Variants in TMEM138 observed in about 807,000 individuals in gnomAD.
The protein encoded by TMEM138 is transmembrane protein 138.
A neutral mutation model predicts 18.1 loss-of-function variants in TMEM138; 9 were observed. That is an observed-to-expected ratio of 0.50 (90% CI 0.30 to 0.87). TMEM138 has a LOEUF of 0.87. TMEM138 is among the 40% of genes least tolerant of loss of function. TMEM138 has a pLI of 0.06. For missense variants in TMEM138, 189 were observed against 190.6 expected (o/e 0.99, Z 0.05); for synonymous variants, 79 against 74.8 (o/e 1.06, Z -0.29).
chr11:61,376,642 T>C (rs1858439401), downstream of TMEM138, among the ~76,000 whole-genome samples: 1 of 152,200 alleles, frequency 6.6e-6, no homozygotes, highest in Admixed American at 6.5e-5. Context: ...CCTATTTACA[T>C]ACATAAGCCA....
In TMEM138 at chr11:61,366,126, G is replaced by C. The variant is rs1858141258; in HGVS notation, c.210G>C (p.Leu70=). Residue 70 remains leucine (L), a synonymous_variant, in exon 3 of 5, where the codon CTG becomes CTC. Coordinates refer to ENST00000278826, the MANE Select transcript of TMEM138 (RefSeq NM_016464.5). The part of the protein sequence containing the change: ...FFNTFVFQAG[L]VNLLFHKFKG... ...ACACCTTCGTCTTCCAGGCTGGCCT[G>C]GTCAACCTCCTATTCCATAAGTTCA... The C allele has an allele frequency of 6.2e-7, 1 of 1,614,172 alleles. No homozygotes were observed. Among genetic ancestry groups the C allele is most frequent in the East Asian group, 2.2e-5 (1 of 44,882 alleles).
In TMEM138 at chr11:61,366,456, C is replaced by T. The variant is rs1476645086; in HGVS notation, c.300+240C>T. 12 of 401,292 alleles carry T rather than the reference C, an allele frequency of 3.0e-5. No homozygotes were observed. The Admixed American group carries it at 4.0e-4, about 13-fold the overall frequency. The allele number at this position is 401,292 out of a possible 1,614,324, so 24.9% of individuals were successfully genotyped here. A position where few individuals can be genotyped will look rare whatever the true frequency, so the allele number is the denominator to read the frequency against. Reference sequence around the variant, plus strand: ...CGCTAAAGGGCTAGGAATAACTTTTCTTTTCTTTTCTTTTCTTTTTTTTTT... The same window carrying T: ...CGCTAAAGGGCTAGGAATAACTTTTTTTTTCTTTTCTTTTCTTTTTTTTTT... On this transcript the variant is annotated intron_variant, in intron 3 of 4. Transcript: ENST00000278826.
downstream of TMEM138, among the ~76,000 whole-genome samples, chr11:61,374,655 C>G (rs567227457): frequency 1.1e-4 from 17 of 152,164 alleles, no homozygotes; most frequent in African/African-American, 3.4e-4. Context: ...TTATAATCAG[C>G]TATAAAACTC....
In TMEM138 at chr11:61,368,337, TGCCTCA is replaced by T. The variant is rs573899438; in HGVS notation, c.377-254_377-249del. On this transcript the variant is annotated intron_variant, in intron 4 of 4. Coordinates refer to ENST00000278826, the MANE Select transcript of TMEM138 (RefSeq NM_016464.5). ...GCCTCCCGGGTTCACACCATTCTCC[TGCCTCA>T]GCCTCCGGAGTAGCTGGGACTACAG... 1,135 of 507,194 alleles carry T rather than the reference TGCCTCA, an allele frequency of 2.2e-3. 3 individuals carry two copies. The highest frequency in any genetic ancestry group is 0.015 in the Middle Eastern group (27 of 1,804). The allele number at this position is 507,194 out of a possible 1,614,324, so 31.4% of individuals were successfully genotyped here.
intron 2 of TMEM138, 108 bp downstream of exon 2, chr11:61,364,626 C>T: frequency 4.1e-6 from 6 of 1,455,902 alleles, no homozygotes; most frequent in Non-Finnish European, 5.6e-6. Flanking sequence ...CGGTGGCTCA[C>T]ACCCATAATC....
chr11:61,373,772 A>G (rs1858396371), downstream of TMEM138, among the ~76,000 whole-genome samples: 1 of 152,072 alleles, frequency 6.6e-6, no homozygotes, highest in African/African-American at 2.4e-5. Flanking sequence ...TTTGGGCTGT[A>G]TTTGTATAAA....
chr11:61,374,866 A>AG (rs1858415004), downstream of TMEM138, among the ~76,000 whole-genome samples: 1 of 152,206 alleles, frequency 6.6e-6, no homozygotes, highest in African/African-American at 2.4e-5. Context: ...CTGAGGCAGG[A>AG]GAATTGCTTG....
At position 61,369,151 on chromosome 11, in the gene TMEM138, C is replaced by G. The variant is rs1022691136; in HGVS notation, c.*442C>G. On this transcript the variant is annotated 3_prime_UTR_variant, in exon 5 of 5. Coordinates refer to ENST00000278826, the MANE Select transcript of TMEM138 (RefSeq NM_016464.5). ...ACCGCAGACATTTAGATTTTTATAC[C>G]CAAGGCACTTTAAAAAAATGTTTTA... is the stretch of plus-strand genomic sequence containing the variant. The G allele has an allele frequency of 6.4e-6, 1 of 156,028 alleles. No homozygotes were observed. The highest frequency in any genetic ancestry group is 2.4e-5 in the African/African-American group (1 of 41,440). The allele number at this position is 156,028 out of a possible 1,614,324, so 9.7% of individuals were successfully genotyped here.
chr11:61,364,383 G>A lies in TMEM138; in HGVS notation c.-8G>A. On this transcript the variant is annotated 5_prime_UTR_variant, in exon 2 of 5. Transcript: ENST00000278826. ...GTGCCCTTGGGGGCCCGAGAAAACA[G>A]AAGGAAGATGCTCCAGACCAGTAAC... The A allele has an allele frequency of 6.2e-7, 1 of 1,613,952 alleles. No homozygotes were observed. Among genetic ancestry groups the A allele is most frequent in the Non-Finnish European group, 8.5e-7 (1 of 1,179,866 alleles).
chr11:61,365,966 G>C (rs1858130059), intron 2 of TMEM138, 79 bp from the exon 3 acceptor site: 1 of 1,503,250 alleles, frequency 6.7e-7, no homozygotes, highest in Admixed American at 2.3e-5. Flanking sequence ...CAGGCCTCGT[G>C]GTGTCCCTCA....
downstream of TMEM138, among the ~76,000 whole-genome samples, chr11:61,369,849 A>G (rs1858290396): frequency 6.6e-6 from 1 of 152,196 alleles, no homozygotes; most frequent in African/African-American, 2.4e-5. Flanking sequence ...GCAGAGCGGG[A>G]AAGTCCCAGT....
At chr11:61,366,269 G>C in intron 3 of TMEM138, 53 bp downstream of exon 3, 1 of 1,569,720 alleles carries the variant, frequency 6.4e-7, no homozygotes, top group South Asian at 1.2e-5. Flanking sequence ...AATAGAGGTG[G>C]GGTCTTACTT....
downstream of TMEM138, among the ~76,000 whole-genome samples, chr11:61,373,835 ATTTTTTATTTTTTT>A (rs1858397812): frequency 6.6e-6 from 1 of 151,184 alleles, no homozygotes; most frequent in Admixed American, 6.6e-5. Flanking sequence ...ATTATTTTTT[ATTTTTTATTTTTTT>A]TTTTTTTAAA....
chr11:61,368,329 C>T, intron 4 of TMEM138: 1 of 509,862 alleles, frequency 2.0e-6, no homozygotes, highest in South Asian at 2.0e-5. Context: ...GGGTTCACAC[C>T]ATTCTCCTGC....
chr11:61,364,581 GATTT>G, intron 2 of TMEM138, 63 bp downstream of exon 2: 1 of 1,604,576 alleles, frequency 6.2e-7, no homozygotes, highest in South Asian at 1.1e-5. Flanking sequence ...TGACAGTGGT[GATTT>G]AGTGTCTTAA....
In TMEM138 at chr11:61,364,429, G is replaced by A; in HGVS notation, c.39G>A (p.Leu13=). ...QTSNYSLVLS[L]QFLLLSYDLF... ...GTAACTACAGCCTGGTGCTCTCTCT[G>A]CAGTTCCTGCTGCTGTCCTATGACC... The change falls in exon 2 of 5, where the codon CTG becomes CTA. Residue 13 remains leucine (L), a synonymous_variant. Transcript: ENST00000278826. The A allele has an allele frequency of 6.2e-7, 1 of 1,614,206 alleles. No homozygotes were observed. The highest frequency in any genetic ancestry group is 8.5e-7 in the Non-Finnish European group (1 of 1,180,036).
rs745587859 is a variant in TMEM138, at chr11:61,368,745, A to G, written c.*36A>G. The G allele has an allele frequency of 5.2e-6, 8 of 1,526,702 alleles. No individual in the cohort carries two copies. Among genetic ancestry groups the G allele is most frequent in the African/African-American group, 2.7e-5 (2 of 73,114 alleles). The allele number at this position is 1,526,702 out of a possible 1,614,324, so 94.6% of individuals were successfully genotyped here. A position where few individuals can be genotyped will look rare whatever the true frequency, so the allele number is the denominator to read the frequency against. On this transcript the variant is annotated 3_prime_UTR_variant, in exon 5 of 5. Coordinates refer to ENST00000278826, the MANE Select transcript of TMEM138 (RefSeq NM_016464.5). ...CACTGATGGATACTTTTCCTTCCTG[A>G]TAGAAGCCACATTTGCTGCTTTGCA...
chr11:61,371,746 C>T (rs1858349605), downstream of TMEM138, among the ~76,000 whole-genome samples: 1 of 152,158 alleles, frequency 6.6e-6, no homozygotes, highest in Non-Finnish European at 1.5e-5. Flanking sequence ...TTTAGGGGGA[C>T]AGAAGTTACA....
chr11:61,372,568 G>A (rs34345946), downstream of TMEM138, among the ~76,000 whole-genome samples: 1 of 151,682 alleles, frequency 6.6e-6, no homozygotes, highest in Non-Finnish European at 1.5e-5. Flanking sequence ...GGATCGTGAA[G>A]TCAGGAGATC....
Sources: gnomAD v4.1 joint callset for allele counts (sites outside exome capture counted in the v4.1 genomes callset) on GRCh38, gnomAD v4.1.1 for gene constraint, MANE v1.5 for transcripts, NCBI Gene and HGNC (gene_info 2026-07-23, HGNC 2026-07-21) for gene names.